The following ZFHX3 variants were observed in gnomAD, a reference collection of about 807,000 sequenced individuals.
ZFHX3 encodes zinc finger homeobox protein 3.
ZFHX3 carries 42 observed loss-of-function variants against 279.1 expected under a neutral mutation model. That is an observed-to-expected ratio of 0.15 (90% confidence interval 0.12 to 0.19). The LOEUF (loss-of-function observed/expected upper bound fraction) is 0.19. Among genes scored for constraint, ZFHX3 ranks in the 10% least tolerant of loss-of-function variants. The probability of loss-of-function intolerance (pLI) is 1.00; values close to 1 mark genes in which losing one functional copy is unlikely to be tolerated. For missense variants in ZFHX3, 4,981 were observed against 4,754.0 expected (o/e 1.05, Z -1.40); for synonymous variants, 2,293 against 1,957.8 (o/e 1.17, Z -4.52).
intron 7 of ZFHX3, chr16:73,127,433 C>A (rs989958468): frequency 4.3e-5 from 56 of 1,305,332 alleles, no homozygotes; most frequent in Non-Finnish European, 5.6e-5. Flanking sequence ...TGGAGCATCT[C>A]TGTTCCGGAA....
At chr16:72,852,638 C>T (rs1040256497) in intron 4 of ZFHX3, among the ~76,000 whole-genome samples, 15 of 152,166 alleles carry the variant, frequency 9.9e-5, no homozygotes, top group Non-Finnish European at 1.9e-4. Flanking sequence ...AGAGAAAGAT[C>T]TCTTGATGAC....
At chr16:73,237,456 C>A (rs1429695163) in intron 5 of ZFHX3, among the ~76,000 whole-genome samples, 1 of 150,718 alleles carries the variant, frequency 6.6e-6, no homozygotes, top group Non-Finnish European at 1.5e-5. Flanking sequence ...CTACCCTGGA[C>A]TGAGACTCCT....
chr16:72,877,577 G>T (rs2038347064), intron 4 of ZFHX3, among the ~76,000 whole-genome samples: 1 of 152,198 alleles, frequency 6.6e-6, no homozygotes, highest in Non-Finnish European at 1.5e-5. Flanking sequence ...TGGTGTTTAT[G>T]TTGTAGTAGA....
chr16:73,202,733 T>A (rs779644724), intron 5 of ZFHX3, among the ~76,000 whole-genome samples: 4 of 152,100 alleles, frequency 2.6e-5, no homozygotes, highest in Non-Finnish European at 5.9e-5. Flanking sequence ...ACTTTTCACA[T>A]CTCTTTGCCT....
In ZFHX3 at chr16:73,616,428, GAAA is replaced by G. The variant is rs201127158; in HGVS notation, c.-1547+63749_-1547+63751del. Among the ~76,000 whole-genome samples, 34 of 128,280 alleles carry G rather than the reference GAAA, an allele frequency of 2.7e-4. No homozygotes were observed. In the East Asian group the frequency reaches 7.4e-3, roughly 28 times the overall value. 84.2% of individuals were successfully genotyped at this position (128,280 alleles called of 152,430 possible). A position where few individuals can be genotyped will look rare whatever the true frequency, so the allele number is the denominator to read the frequency against. ...ATAGCAGTAATTGGCAACTATGGAGGAAAAAAAAAAAAACACCAATGCTGCTAG... is the reference window on the plus strand; with the variant it reads ...ATAGCAGTAATTGGCAACTATGGAGGAAAAAAAAAACACCAATGCTGCTAG... On this transcript the variant is annotated intron_variant, in intron 2 of 17. Transcript: ENST00000641206.
At chr16:73,792,690 G>T (rs1959862398) in intron 1 of ZFHX3, among the ~76,000 whole-genome samples, 1 of 152,182 alleles carries the variant, frequency 6.6e-6, no homozygotes, top group Non-Finnish European at 1.5e-5. Context: ...CCCACAGCAT[G>T]AACGAATGGA....
chr16:72,808,724 A>G (rs561123639), intron 7 of ZFHX3, among the ~76,000 whole-genome samples: 15 of 152,322 alleles, frequency 9.8e-5, no homozygotes, highest in African/African-American at 3.6e-4. Flanking sequence ...TGCTTTAGGG[A>G]GCAGTGTCTC....
chr16:72,937,173 G>A (rs910625294), intron 3 of ZFHX3, among the ~76,000 whole-genome samples: 1 of 152,154 alleles, frequency 6.6e-6, no homozygotes, highest in Non-Finnish European at 1.5e-5. Flanking sequence ...GCCAGGTGGG[G>A]AGCTGGATAC....
chr16:72,817,591 GC>G (rs1021776734), intron 5 of ZFHX3, among the ~76,000 whole-genome samples: 7 of 152,224 alleles, frequency 4.6e-5, no homozygotes, highest in Admixed American at 3.3e-4. Context: ...TGCGCTGTTG[GC>G]ATGGCTGCAT....
intron 2 of ZFHX3, among the ~76,000 whole-genome samples, chr16:73,490,938 G>C (rs1199320165): frequency 6.6e-6 from 1 of 152,182 alleles, no homozygotes; most frequent in Non-Finnish European, 1.5e-5. Flanking sequence ...ATAATACAAT[G>C]TCAGATTTCT....
intron 3 of ZFHX3, among the ~76,000 whole-genome samples, chr16:73,371,343 G>T (rs2016625764): frequency 6.6e-6 from 1 of 151,800 alleles, no homozygotes; most frequent in African/African-American, 2.4e-5. Flanking sequence ...GTAGAATGTT[G>T]CATATGCAAA....
chr16:73,867,528 T>C (rs1962056825), intron 1 of ZFHX3, among the ~76,000 whole-genome samples: 1 of 152,220 alleles, frequency 6.6e-6, no homozygotes, highest in Non-Finnish European at 1.5e-5. Context: ...TTCTCCCCGA[T>C]ATTTTAGGCT....
At chr16:73,278,220 T>C (rs2014353191) in intron 4 of ZFHX3, among the ~76,000 whole-genome samples, 1 of 152,202 alleles carries the variant, frequency 6.6e-6, no homozygotes, top group African/African-American at 2.4e-5. Flanking sequence ...ATACTGATAT[T>C]CTCCTAAGTT....
intron 4 of ZFHX3, among the ~76,000 whole-genome samples, chr16:73,287,246 G>GGT (rs1412222820): frequency 6.9e-6 from 1 of 145,666 alleles, no homozygotes; most frequent in Non-Finnish European, 1.5e-5. Flanking sequence ...TCAGTGTATG[G>GGT]GTGTGTGGGT....
chr16:73,833,404 A>G (rs1404581392), intron 1 of ZFHX3, among the ~76,000 whole-genome samples: 1 of 152,154 alleles, frequency 6.6e-6, no homozygotes, highest in Non-Finnish European at 1.5e-5. Context: ...AAGATGGGAA[A>G]AGGAATATAA....
chr16:73,743,108 T>C (rs975697073), intron 1 of ZFHX3, among the ~76,000 whole-genome samples: 1 of 152,254 alleles, frequency 6.6e-6, no homozygotes. Flanking sequence ...ACTGAATTTT[T>C]ATATAAATGG....
At chr16:73,599,596 G>A (rs2052089336) in intron 2 of ZFHX3, among the ~76,000 whole-genome samples, 1 of 152,150 alleles carries the variant, frequency 6.6e-6, no homozygotes, top group African/African-American at 2.4e-5. Flanking sequence ...AACAGCATTT[G>A]GATTGCAAAT....
chr16:73,812,867 G>A (rs1960462215), intron 1 of ZFHX3, among the ~76,000 whole-genome samples: 1 of 152,186 alleles, frequency 6.6e-6, no homozygotes, highest in African/African-American at 2.4e-5. Context: ...CAATATGGGA[G>A]CAGCCTTAAT....
intron 3 of ZFHX3, among the ~76,000 whole-genome samples, chr16:72,909,086 C>T (rs568015723): frequency 3.9e-5 from 6 of 152,274 alleles, no homozygotes; most frequent in East Asian, 3.9e-4. Flanking sequence ...CAAATTCTTA[C>T]GATCACAGAA....
Sources: gnomAD v4.1 joint callset for allele counts (sites outside exome capture counted in the v4.1 genomes callset) on GRCh38, gnomAD v4.1.1 for gene constraint, MANE v1.5 for transcripts, NCBI Gene and HGNC (gene_info 2026-07-23, HGNC 2026-07-21) for gene names.